Variants in LIX1 observed in about 807,000 individuals in gnomAD.
LIX1 encodes protein limb expression 1 homolog.
A neutral mutation model predicts 33.4 loss-of-function variants in LIX1; 24 were observed. That is an observed-to-expected ratio of 0.72 (90% CI 0.52 to 1.01). LIX1 has a LOEUF of 1.01. LIX1 is among the 50% of genes least tolerant of loss of function. The pLI is 0.00. For missense variants in LIX1, 311 were observed against 339.2 expected (o/e 0.92, Z 0.65); for synonymous variants, 124 against 124.0 (o/e 1.00, Z 0.00).
At chr5:97,123,314 C>T (rs1378649958) in intron 2 of LIX1, among the ~76,000 whole-genome samples, 1 of 152,166 alleles carries the variant, frequency 6.6e-6, no homozygotes, top group African/African-American at 2.4e-5. Flanking sequence ...CTCTGTTTGG[C>T]TTCCAGGTAC....
intron 4 of LIX1, among the ~76,000 whole-genome samples, chr5:97,101,297 G>A (rs997393102): frequency 6.6e-6 from 1 of 152,162 alleles, no homozygotes; most frequent in African/African-American, 2.4e-5. Flanking sequence ...CAAGAGAAAT[G>A]TGTCACTTGC....
intron 1 of LIX1, among the ~76,000 whole-genome samples, chr5:97,139,577 G>C (rs187952456): frequency 2.4e-4 from 37 of 152,212 alleles, no homozygotes; most frequent in Admixed American, 1.0e-3. Context: ...ATTGCACAAA[G>C]CCAAGAATGG....
intron 1 of LIX1, among the ~76,000 whole-genome samples, chr5:97,133,217 A>T (rs1305858994): frequency 1.3e-5 from 2 of 152,214 alleles, no homozygotes; most frequent in Non-Finnish European, 2.9e-5. Context: ...TTATCAACAG[A>T]CAGGAAGTTT....
intron 1 of LIX1, among the ~76,000 whole-genome samples, chr5:97,140,277 G>A (rs1175112975): frequency 1.3e-5 from 2 of 152,076 alleles, no homozygotes; most frequent in African/African-American, 4.8e-5. Flanking sequence ...TGTTCAACTG[G>A]GCTGGGTTTT....
intron 2 of LIX1, among the ~76,000 whole-genome samples, chr5:97,115,096 T>C (rs1747601970): frequency 6.6e-6 from 1 of 152,228 alleles, no homozygotes; most frequent in African/African-American, 2.4e-5. Context: ...TTAACAGTTT[T>C]TATTTCTTCT....
At chr5:97,109,633 T>C (rs1248976962) in intron 2 of LIX1, among the ~76,000 whole-genome samples, 1 of 152,168 alleles carries the variant, frequency 6.6e-6, no homozygotes. Context: ...TGTGGATAAG[T>C]TCTTTTGCGG....
In LIX1 at chr5:97,142,601, C is replaced by T. The variant is rs760171244; in HGVS notation, c.-25G>A. The T allele has an allele frequency of 5.1e-6, 8 of 1,582,946 alleles. No homozygotes were observed. The highest frequency in any genetic ancestry group is 3.3e-5 in the Admixed American group (2 of 59,964). On this transcript the variant is annotated 5_prime_UTR_variant, in exon 1 of 6. Coordinates refer to ENST00000274382, the MANE Select transcript of LIX1 (RefSeq NM_153234.5). ...TCTTGGGTCTGCCTGTGTGAGCCTC[C>T]TGTACAGAGTGTCCTCATGCCTGAA...
At chr5:97,120,258 C>T (rs1172203181) in intron 2 of LIX1, among the ~76,000 whole-genome samples, 1 of 152,172 alleles carries the variant, frequency 6.6e-6, no homozygotes, top group Non-Finnish European at 1.5e-5. Context: ...AATGGACAAA[C>T]ATTAACTTCA....
chr5:97,100,893 GAA>G (rs11358378), intron 4 of LIX1, among the ~76,000 whole-genome samples: 2,100 of 114,086 alleles, frequency 0.018, 73 homozygotes, highest in African/African-American at 0.059. Context: ...CTCTGTCTCA[GAA>G]AAAAAAAAAA....
At chr5:97,114,745 C>G (rs1017257640) in intron 2 of LIX1, among the ~76,000 whole-genome samples, 4 of 152,140 alleles carry the variant, frequency 2.6e-5, no homozygotes, top group Non-Finnish European at 5.9e-5. Context: ...TGTCTCATTT[C>G]CAACAGGCAG....
At chr5:97,135,817 TCAAAA>T in intron 1 of LIX1, among the ~76,000 whole-genome samples, 1 of 151,938 alleles carries the variant, frequency 6.6e-6, no homozygotes, top group South Asian at 2.1e-4. Context: ...AGACTCTGTC[TCAAAA>T]TTAATAAAAA....
chr5:97,108,370 C>G (rs1294138332), intron 2 of LIX1, among the ~76,000 whole-genome samples: 1 of 152,182 alleles, frequency 6.6e-6, no homozygotes, highest in Non-Finnish European at 1.5e-5. Context: ...ATTCACTCCT[C>G]TCAAATATAA....
chr5:97,095,884 AG>A (rs773775440), intron 5 of LIX1, among the ~76,000 whole-genome samples: 2 of 152,306 alleles, frequency 1.3e-5, no homozygotes, highest in Middle Eastern at 3.4e-3. Context: ...CATATTTCAA[AG>A]GCCTTTTGTA....
chr5:97,102,628 A>G (rs183796710), intron 4 of LIX1, among the ~76,000 whole-genome samples: 1 of 152,380 alleles, frequency 6.6e-6, no homozygotes. Flanking sequence ...ATACCTTACT[A>G]CAGACCACAC....
In LIX1 at chr5:97,094,869, C is replaced by T. The variant is rs749957257; in HGVS notation, c.728G>A (p.Arg243Gln). 1.4e-5 allele frequency: 23 copies of T among 1,614,006 alleles called. No individual in the cohort carries two copies. Among genetic ancestry groups the T allele is most frequent in the South Asian group, 3.3e-5 (3 of 91,082 alleles). The change falls in exon 6 of 6, where the codon CGG becomes CAG. Residue 243 changes from arginine (R) to glutamine (Q), a missense_variant. Physicochemically the swap from Arg to Gln is conservative, Grantham distance 43. Transcript: ENST00000274382. ...TATTTCTTTCTTTTCTTTGTAAAAC[C>T]GTAGTTCTTGTCCTGCTTTCCTGGC... ...EEARKAGQEL[R>Q]FYKEKKEILS...
rs755613656 is a variant in LIX1 at position 97,094,870 on chromosome 5, G to T, written c.727C>A (p.Arg243=). 6.2e-7 allele frequency: 1 copy of T among 1,614,182 alleles called. No homozygotes were observed. Among genetic ancestry groups the T allele is most frequent in the Non-Finnish European group, 8.5e-7 (1 of 1,180,032 alleles). The change falls in exon 6 of 6, where the codon CGG becomes AGG. Residue 243 remains arginine (R), a synonymous_variant. Transcript: ENST00000274382. ...ATTTCTTTCTTTTCTTTGTAAAACCGTAGTTCTTGTCCTGCTTTCCTGGCT... is the reference window on the plus strand; with the variant it reads ...ATTTCTTTCTTTTCTTTGTAAAACCTTAGTTCTTGTCCTGCTTTCCTGGCT... The part of the protein sequence containing the change: ...EEARKAGQEL[R]FYKEKKEILS...
At chr5:97,112,858 A>G (rs1258494864) in intron 2 of LIX1, among the ~76,000 whole-genome samples, 3 of 151,014 alleles carry the variant, frequency 2.0e-5, no homozygotes, top group Middle Eastern at 3.2e-3. Flanking sequence ...ATTCAAAGGC[A>G]GTGGTAGCCA....
At chr5:97,124,217 G>T (rs1329931782) in intron 2 of LIX1, among the ~76,000 whole-genome samples, 3 of 152,082 alleles carry the variant, frequency 2.0e-5, no homozygotes, top group Non-Finnish European at 4.4e-5. Flanking sequence ...GAGTTTCACG[G>T]TATCCATAAG....
rs1580237794 is a variant in LIX1, at chr5:97,122,502, A to G, written c.246+1964T>C. On this transcript the variant is annotated intron_variant, in intron 2 of 5. Transcript: ENST00000274382. ...ACATTTTAGGGAATTTCAGACTAGA[A>G]AAGAGTTTGAAGAATGTGCTAAGTC... is the stretch of plus-strand genomic sequence containing the variant. 1.3e-5 allele frequency among the ~76,000 whole-genome samples: 2 copies of G among 152,340 alleles called. 1 individual carries two copies. The highest frequency in any genetic ancestry group is 1.3e-4 in the Admixed American group (2 of 15,300).
Sources: gnomAD v4.1 joint callset for allele counts (sites outside exome capture counted in the v4.1 genomes callset) on GRCh38, gnomAD v4.1.1 for gene constraint, MANE v1.5 for transcripts, NCBI Gene and HGNC (gene_info 2026-07-23, HGNC 2026-07-21) for gene names.